The following ARHGAP17 variants were observed in gnomAD, a reference collection of about 807,000 sequenced individuals.
ARHGAP17 encodes Rho GTPase activating protein 17.
Under a neutral mutation model 99.5 loss-of-function variants are expected in ARHGAP17, and 57 were observed. The ratio of observed to expected loss-of-function variants is 0.57; its 90% CI spans 0.46 to 0.71. The LOEUF (loss-of-function observed/expected upper bound fraction) is 0.71. Ranked by LOEUF, ARHGAP17 falls within the 30% of genes least tolerant of loss-of-function variation. The pLI, the probability that ARHGAP17 is intolerant of heterozygous loss-of-function variation, is 0.00. For synonymous variants in ARHGAP17, 417 were observed against 429.6 expected, an observed-to-expected ratio of 0.97 and a Z score of 0.36; for missense variants, 1,000 against 1,122.4, an observed-to-expected ratio of 0.89 and a Z score of 1.56.
chr16:24,947,108 T>A (rs746133813), intron 14 of ARHGAP17, among the ~76,000 whole-genome samples: 9 of 152,178 alleles, frequency 5.9e-5, no homozygotes, highest in Non-Finnish European at 1.2e-4. Context: ...CTGTCTTATG[T>A]CCATTTAGTT....
intron 9 of ARHGAP17, among the ~76,000 whole-genome samples, chr16:24,957,899 T>C (rs2051858924): frequency 6.6e-6 from 1 of 152,126 alleles, no homozygotes; most frequent in Non-Finnish European, 1.5e-5. Flanking sequence ...GAGGGGGCTG[T>C]GGGGGCAGGT....
chr16:24,938,047 A>T (rs1158159285), intron 17 of ARHGAP17, among the ~76,000 whole-genome samples: 1 of 152,138 alleles, frequency 6.6e-6, no homozygotes, highest in Non-Finnish European at 1.5e-5. Flanking sequence ...TGGAGAACTG[A>T]ATTAATGTCA....
chr16:24,948,833 A>C (rs1011664837), intron 13 of ARHGAP17: 4 of 151,618 alleles, frequency 2.6e-5, no homozygotes, highest in Non-Finnish European at 4.4e-5. Flanking sequence ...TGACTTTACC[A>C]CCTGAGGCCA....
chr16:24,968,348 T>TC lies in ARHGAP17; in HGVS notation c.461+2_461+3insG, dbSNP rs1267996071. The TC allele has an allele frequency of 6.2e-7, 1 of 1,614,174 alleles. No homozygotes were observed. The highest frequency in any genetic ancestry group is 8.5e-7 in the Non-Finnish European group (1 of 1,180,002). ...ATGCTGCATTGCTGGCTCAAGCTGT[T>TC]ACCTGGCTCTGACTGAATCCCAGTC... On this transcript the variant is annotated splice_region_variant and intron_variant, in intron 6 of 19. Transcript: ENST00000289968.
At chr16:24,961,621 C>A (rs62032852) in intron 7 of ARHGAP17, among the ~76,000 whole-genome samples, 46,800 of 147,452 alleles carry the variant, frequency 0.32, 7,622 homozygotes, top group East Asian at 0.5. Flanking sequence ...ACCTCCATCT[C>A]CGGGGTTCAA....
At chr16:24,992,722 A>T (rs1194142370) in intron 1 of ARHGAP17, among the ~76,000 whole-genome samples, 1 of 152,254 alleles carries the variant, frequency 6.6e-6, no homozygotes, top group Non-Finnish European at 1.5e-5. Context: ...ATTCATAAAT[A>T]CAGTACTCCT....
intron 12 of ARHGAP17, 50 bp downstream of exon 12, chr16:24,952,239 T>C (rs1178954981): frequency 1.4e-6 from 2 of 1,418,282 alleles, no homozygotes; most frequent in African/African-American, 1.4e-5. Flanking sequence ...TAGGGCACAA[T>C]ATCACTTCAT....
intron 7 of ARHGAP17, among the ~76,000 whole-genome samples, chr16:24,960,453 G>A (rs886841680): frequency 3.3e-5 from 5 of 152,150 alleles, no homozygotes; most frequent in African/African-American, 9.7e-5. Context: ...GCTGAGGCAG[G>A]AGAATTGCTT....
chr16:24,983,329 G>C (rs1270205727), intron 1 of ARHGAP17, among the ~76,000 whole-genome samples: 1 of 150,528 alleles, frequency 6.6e-6, no homozygotes, highest in South Asian at 2.1e-4. Flanking sequence ...TTAAGACAAG[G>C]TTTTGCTCTA....
intron 6 of ARHGAP17, among the ~76,000 whole-genome samples, chr16:24,966,072 T>C (rs974284422): frequency 6.6e-6 from 1 of 152,232 alleles, no homozygotes; most frequent in African/African-American, 2.4e-5. Context: ...TAAACATCTA[T>C]AATAATGCTC....
intron 6 of ARHGAP17, 68 bp from the exon 7 acceptor site, chr16:24,964,376 C>T: frequency 9.2e-7 from 1 of 1,092,310 alleles, no homozygotes; most frequent in Non-Finnish European, 1.4e-6. Context: ...GAGGCAGGAC[C>T]TGGTGGAGAT....
intron 9 of ARHGAP17, chr16:24,957,473 A>T (rs2051843867): frequency 1.3e-5 from 2 of 152,302 alleles, no homozygotes; most frequent in Non-Finnish European, 2.9e-5. Context: ...GAAATGAGCA[A>T]TATATAATCC....
At chr16:24,961,249 C>T (rs2051988512) in intron 7 of ARHGAP17, among the ~76,000 whole-genome samples, 1 of 152,114 alleles carries the variant, frequency 6.6e-6, no homozygotes, top group Non-Finnish European at 1.5e-5. Flanking sequence ...CTATTGGGAG[C>T]AATGGAAATT....
chr16:24,935,384 A>C, intron 18 of ARHGAP17, 86 bp downstream of exon 18: 3 of 1,419,222 alleles, frequency 2.1e-6, no homozygotes, highest in Non-Finnish European at 2.8e-6. Flanking sequence ...AGATCTGGCC[A>C]CAAACCTCAC....
intron 1 of ARHGAP17, among the ~76,000 whole-genome samples, chr16:24,986,879 C>T (rs2052886445): frequency 6.6e-6 from 1 of 152,236 alleles, no homozygotes; most frequent in African/African-American, 2.4e-5. Flanking sequence ...GGGGTGGCTG[C>T]CTCTGATAAT....
At chr16:24,967,374 A>G (rs13335194) in intron 6 of ARHGAP17, among the ~76,000 whole-genome samples, 4,922 of 152,302 alleles carry the variant, frequency 0.032, 278 homozygotes, top group African/African-American at 0.11. Flanking sequence ...GCAGCACCAG[A>G]AAGATTTACT....
At chr16:24,972,235 T>C (rs190269452) in intron 3 of ARHGAP17, among the ~76,000 whole-genome samples, 34 of 152,300 alleles carry the variant, frequency 2.2e-4, no homozygotes, top group Admixed American at 4.6e-4. Context: ...ACTGGGTGCC[T>C]GGGGAAATGG....
At chr16:24,972,727 T>A (rs2052402561) in intron 3 of ARHGAP17, 2 of 152,170 alleles carry the variant, frequency 1.3e-5, no homozygotes, top group African/African-American at 4.8e-5. Context: ...AAACTCTATT[T>A]TGACAAGCAT....
chr16:24,952,916 C>G lies in ARHGAP17; in HGVS notation c.964+15G>C. On this transcript the variant is annotated intron_variant, in intron 11 of 19. Transcript: ENST00000289968. ...TTGAGGGTGACTTGATTTGCAGACA[C>G]TCTTTGGCGCTCACCTGCTACAGCA... 1 of 1,612,616 alleles carries G rather than the reference C, an allele frequency of 6.2e-7. No homozygotes were observed. Among genetic ancestry groups the G allele is most frequent in the Non-Finnish European group, 8.5e-7 (1 of 1,178,670 alleles).
Sources: gnomAD v4.1 joint callset for allele counts (sites outside exome capture counted in the v4.1 genomes callset) on GRCh38, gnomAD v4.1.1 for gene constraint, MANE v1.5 for transcripts, NCBI Gene and HGNC (gene_info 2026-07-23, HGNC 2026-07-21) for gene names.